PKHD1: variants seen among roughly 807,000 people sequenced by gnomAD.
PKHD1 encodes the protein PKHD1 ciliary IPT domain containing fibrocystin/polyductin.
In PKHD1, 291 loss-of-function variants were observed where a neutral mutation model predicts 412.0. The ratio of observed to expected loss-of-function variants is 0.71; its 90% CI spans 0.64 to 0.78. PKHD1 has a LOEUF of 0.78. Ranked by LOEUF, PKHD1 falls within the 30% of genes least tolerant of loss-of-function variation. The pLI is 0.00. For missense variants in PKHD1, 4,825 were observed against 4,950.7 expected, an observed-to-expected ratio of 0.97 and a Z score of 0.76; for synonymous variants, 1,777 against 1,821.5, an observed-to-expected ratio of 0.98 and a Z score of 0.62.
intron 46 of PKHD1, among the ~76,000 whole-genome samples, chr6:51,873,370 C>T (rs986812958): frequency 1.3e-5 from 2 of 152,078 alleles, no homozygotes; most frequent in Admixed American, 6.5e-5. Context: ...TTGGCTAGGG[C>T]GTGCGGAGTG....
Position 52,073,524 on chromosome 6 carries a change from A to G in PKHD1, c.466T>C (p.Tyr156His). The G allele has an allele frequency of 2.5e-6, 4 of 1,599,570 alleles. No homozygotes were observed. The highest frequency in any genetic ancestry group is 3.4e-6 in the Non-Finnish European group (4 of 1,166,752). ...SGVPGKLIHV[Y>H]GWIITGRLET... ...AATCTTCCAGTGATAATCCAGCCATATACATGTATTAGTTTTCCTGTTTGA... is the reference window on the plus strand; with the variant it reads ...AATCTTCCAGTGATAATCCAGCCATGTACATGTATTAGTTTTCCTGTTTGA... The change falls in exon 7 of 67, where the codon TAT becomes CAT. Residue 156 changes from tyrosine (Y) to histidine (H), a missense_variant. Coordinates refer to ENST00000371117, the MANE Select transcript of PKHD1 (RefSeq NM_138694.4).
At chr6:52,021,757 T>TCTTCCCCCTCCTC (rs1232804610) in intron 33 of PKHD1, among the ~76,000 whole-genome samples, 1 of 152,064 alleles carries the variant, frequency 6.6e-6, no homozygotes, top group African/African-American at 2.4e-5. Context: ...TCCTCTTCCC[T>TCTTCCCCCTCCTC]CTTCCCCCTC....
intron 46 of PKHD1, among the ~76,000 whole-genome samples, chr6:51,873,859 AAAG>A (rs1776392023): frequency 1.3e-5 from 2 of 152,198 alleles, no homozygotes; most frequent in Admixed American, 6.5e-5. Flanking sequence ...TCAAAATAGA[AAAG>A]AAGAAAAAAA....
intron 63 of PKHD1, among the ~76,000 whole-genome samples, chr6:51,644,345 T>C (rs1769795716): frequency 6.6e-6 from 1 of 152,168 alleles, no homozygotes; most frequent in Non-Finnish European, 1.5e-5. Flanking sequence ...TCATCAGAAA[T>C]GGTAGGCAAT....
chr6:51,748,439 A>T lies in PKHD1; in HGVS notation c.9177T>A (p.Thr3059=), dbSNP rs1474156914. 6.8e-6 allele frequency: 11 copies of T among 1,613,940 alleles called. No individual in the cohort carries two copies. The highest frequency in any genetic ancestry group is 3.3e-5 in the Admixed American group (2 of 59,962). ...TCAGAACCACAAGGTTATTAGTGAC[A>T]GTATAGGCCTGACCCTCTAAATCTA... ...HGIDLEGQAY[T]VTNNLVVLMT... is the part of the protein sequence containing the mutation. Residue 3059 remains threonine (T), a synonymous_variant, in exon 58 of 67, where the codon ACT becomes ACA. Transcript: ENST00000371117.
At chr6:51,669,469 C>A (rs1245565351) in intron 60 of PKHD1, among the ~76,000 whole-genome samples, 2 of 150,582 alleles carry the variant, frequency 1.3e-5, no homozygotes, top group Non-Finnish European at 3.0e-5. Flanking sequence ...AGCGGTCTAT[C>A]TATTTTGTTG....
intron 48 of PKHD1, 65 bp from the exon 49 acceptor site, chr6:51,856,135 C>T (rs901791149): frequency 2.1e-6 from 2 of 935,612 alleles, no homozygotes; most frequent in African/African-American, 3.2e-5. Context: ...GAATCCAATA[C>T]ATTCCTCTTT....
At chr6:52,068,897 C>T (rs931751230) in intron 11 of PKHD1, among the ~76,000 whole-genome samples, 1 of 152,172 alleles carries the variant, frequency 6.6e-6, no homozygotes, top group African/African-American at 2.4e-5. Flanking sequence ...GAACCAACCC[C>T]ACAGACATTT....
intron 60 of PKHD1, among the ~76,000 whole-genome samples, chr6:51,691,828 G>T (rs558211918): frequency 8.5e-5 from 13 of 152,218 alleles, no homozygotes; most frequent in African/African-American, 2.6e-4. Flanking sequence ...AGTGGGATTC[G>T]ATTAAGTAAA....
intron 34 of PKHD1, among the ~76,000 whole-genome samples, chr6:52,013,069 G>C (rs1269223209): frequency 6.6e-6 from 1 of 152,098 alleles, no homozygotes; most frequent in Non-Finnish European, 1.5e-5. Context: ...TCAATCATAA[G>C]AGTGAGTTTT....
At chr6:51,958,949 G>GA (rs889646171) in intron 36 of PKHD1, among the ~76,000 whole-genome samples, 1 of 151,336 alleles carries the variant, frequency 6.6e-6, no homozygotes, top group Non-Finnish European at 1.5e-5. Context: ...CTATAGAAGA[G>GA]AAAAAAAACA....
chr6:51,702,343 C>T (rs1779547717), intron 60 of PKHD1, among the ~76,000 whole-genome samples: 1 of 151,324 alleles, frequency 6.6e-6, no homozygotes, highest in Non-Finnish European at 1.5e-5. Context: ...GAAAGCCAAA[C>T]ATTGTATGAT....
At chr6:51,750,420 T>G (rs1250947301) in intron 57 of PKHD1, among the ~76,000 whole-genome samples, 1 of 152,190 alleles carries the variant, frequency 6.6e-6, no homozygotes, top group African/African-American at 2.4e-5. Context: ...TTTAATGTGA[T>G]TTTAGAATCT....
chr6:52,045,044 C>T lies in PKHD1; in HGVS notation c.2637G>A (p.Thr879=), dbSNP rs147915980. ...NLTGVNPAAA[T]RVVYDGGVFL... ...AAACTCCACCATCATATACCACACG[C>T]GTGGCTGCAGCAGGATTCACTCCAG... is the stretch of plus-strand genomic sequence containing the variant. Residue 879 remains threonine, a synonymous_variant, in exon 25 of 67, where the codon ACG becomes ACA. Transcript: ENST00000371117. 49 of 1,612,924 alleles carry T rather than the reference C, an allele frequency of 3.0e-5. No homozygotes were observed. The African/African-American group carries it at 5.2e-4, about 17-fold the overall frequency.
rs1766126468 is a variant in PKHD1 at position 51,617,021 on chromosome 6, T to C, written c.*2060A>G. On this transcript the variant is annotated 3_prime_UTR_variant, in exon 67 of 67. Coordinates refer to ENST00000371117, the MANE Select transcript of PKHD1 (RefSeq NM_138694.4). The stretch of plus-strand genomic sequence containing the variant: ...TCATAGTAACTATAGGATAACCTAC[T>C]GGATATTCTCACTAGGCAGCTAAAT... 2 of 238,320 alleles carry C rather than the reference T, an allele frequency of 8.4e-6. No individual in the cohort carries two copies. The highest frequency in any genetic ancestry group is 1.6e-5 in the Non-Finnish European group (2 of 124,666). 14.8% of individuals were successfully genotyped at this position (238,320 alleles called of 1,614,324 possible). A position where few individuals can be genotyped will look rare whatever the true frequency, so the allele number is the denominator to read the frequency against.
chr6:51,845,290 G>A (rs749360646), intron 50 of PKHD1, among the ~76,000 whole-genome samples: 2 of 152,194 alleles, frequency 1.3e-5, no homozygotes, highest in Admixed American at 6.5e-5. Context: ...GCTACATGGC[G>A]CACTGCCATG....
Position 51,691,042 on chromosome 6 carries a change from C to T in PKHD1, c.10157-31073G>A, listed in dbSNP as rs369312964. Among the ~76,000 whole-genome samples, 41 of 152,030 alleles carry T rather than the reference C, an allele frequency of 2.7e-4. No homozygotes were observed. The East Asian group carries it at 6.4e-3, about 24-fold the overall frequency. ...AAGAAGACATACATGCAGCCAACAA[C>T]CATATGAAAAAAAGATCACCATCAC... On this transcript the variant is annotated intron_variant, in intron 60 of 66. Coordinates refer to ENST00000371117, the MANE Select transcript of PKHD1 (RefSeq NM_138694.4).
At chr6:51,685,447 T>C (rs1777288862) in intron 60 of PKHD1, among the ~76,000 whole-genome samples, 1 of 152,178 alleles carries the variant, frequency 6.6e-6, no homozygotes, top group Admixed American at 6.6e-5. Context: ...ATTTTCCCAC[T>C]GTTAATTTCT....
chr6:51,991,473 T>C (rs1797031566), intron 35 of PKHD1, among the ~76,000 whole-genome samples: 1 of 152,170 alleles, frequency 6.6e-6, no homozygotes. Context: ...ATAACCTACA[T>C]AACATAGTCC....
Sources: gnomAD v4.1 joint callset for allele counts (sites outside exome capture counted in the v4.1 genomes callset) on GRCh38, gnomAD v4.1.1 for gene constraint, MANE v1.5 for transcripts, NCBI Gene and HGNC (gene_info 2026-07-23, HGNC 2026-07-21) for gene names.